Variants in DLG1 observed in about 807,000 individuals in gnomAD.
The protein encoded by DLG1 is discs large MAGUK scaffold protein 1, also known as disks large homolog 1.
A neutral mutation model predicts 123.4 loss-of-function variants in DLG1; 42 were observed. That is an observed-to-expected ratio of 0.34 (90% CI 0.27 to 0.44). The LOEUF (loss-of-function observed/expected upper bound fraction) is 0.44. Ranked by LOEUF, DLG1 falls within the 20% of genes least tolerant of loss-of-function variation. The pLI, the probability that DLG1 is intolerant of heterozygous loss-of-function variation, is 1.00. For missense variants in DLG1, 942 were observed against 1,082.6 expected, an observed-to-expected ratio of 0.87 and a Z score of 1.82; for synonymous variants, 317 against 356.2, an observed-to-expected ratio of 0.89 and a Z score of 1.24.
At chr3:197,121,508 T>C (rs907981513) in intron 11 of DLG1, among the ~76,000 whole-genome samples, 7 of 152,060 alleles carry the variant, frequency 4.6e-5, no homozygotes, top group Non-Finnish European at 8.8e-5. Flanking sequence ...AGAAAATATA[T>C]ACTGTAAAAA....
chr3:197,194,568 C>T lies in DLG1; in HGVS notation c.340G>A (p.Asp114Asn). 15 of 1,597,362 alleles carry T rather than the reference C, an allele frequency of 9.4e-6. No homozygotes were observed. Among genetic ancestry groups the T allele is most frequent in the Non-Finnish European group, 1.2e-5 (14 of 1,174,018 alleles). Residue 114 changes from aspartate to asparagine, a missense_variant, in exon 5 of 25, where the codon GAT (aspartate) becomes AAT (asparagine). Transcript: ENST00000667157. ...SVEKYRYQDE[D>N]TPPQEHISPQ... ...GAAATATGCTCTTGAGGAGGTGTAT[C>T]TTCATCCTGATACCTGTATTTCTGT...
chr3:197,141,880 T>C (rs1411022984), intron 7 of DLG1, among the ~76,000 whole-genome samples: 2 of 152,202 alleles, frequency 1.3e-5, no homozygotes, highest in Non-Finnish European at 2.9e-5. Context: ...CTAATTTTTG[T>C]ATTTTTAGTA....
chr3:197,167,776 A>T (rs1457118188), intron 5 of DLG1, among the ~76,000 whole-genome samples: 1 of 152,176 alleles, frequency 6.6e-6, no homozygotes, highest in Non-Finnish European at 1.5e-5. Flanking sequence ...TACATCTATG[A>T]AGCCACTGCC....
intron 4 of DLG1, among the ~76,000 whole-genome samples, chr3:197,260,750 CAAAAAAAAAAA>C (rs570596943): frequency 1.5e-3 from 27 of 18,318 alleles, no homozygotes; most frequent in Admixed American, 4.2e-3. Flanking sequence ...TGACAACCAC[CAAAAAAAAAAA>C]AAAAAAAAAA....
At chr3:197,104,674 C>A (rs764667372) in intron 14 of DLG1, among the ~76,000 whole-genome samples, 1 of 151,788 alleles carries the variant, frequency 6.6e-6, no homozygotes, top group Non-Finnish European at 1.5e-5. Context: ...AAGAGTGGAA[C>A]CCCGTCTCAA....
At chr3:197,164,256 G>A (rs962182203) in intron 5 of DLG1, among the ~76,000 whole-genome samples, 3 of 151,830 alleles carry the variant, frequency 2.0e-5, no homozygotes, top group African/African-American at 4.8e-5. Flanking sequence ...AATTAGCCGG[G>A]TGTGGTGGCC....
chr3:197,102,361 A>G (rs1763948652), intron 14 of DLG1, among the ~76,000 whole-genome samples: 1 of 152,202 alleles, frequency 6.6e-6, no homozygotes, highest in Non-Finnish European at 1.5e-5. Flanking sequence ...TTGTATGTAT[A>G]TATATAAGAT....
At chr3:197,230,134 T>TA (rs1474923090) in intron 4 of DLG1, among the ~76,000 whole-genome samples, 1 of 152,178 alleles carries the variant, frequency 6.6e-6, no homozygotes, top group Non-Finnish European at 1.5e-5. Context: ...TTTCAATTAC[T>TA]AATCTGTTTA....
At chr3:197,198,205 AG>A (rs1178534032) in intron 4 of DLG1, among the ~76,000 whole-genome samples, 1 of 152,186 alleles carries the variant, frequency 6.6e-6, no homozygotes, top group Non-Finnish European at 1.5e-5. Flanking sequence ...GATGACCCAA[AG>A]GGGCCAGGTG....
intron 24 of DLG1, among the ~76,000 whole-genome samples, chr3:197,049,162 C>T (rs1030602748): frequency 3.3e-5 from 5 of 151,480 alleles, no homozygotes; most frequent in African/African-American, 1.2e-4. Flanking sequence ...ACTAAAAATA[C>T]AAAAATTAGC....
In DLG1 at chr3:197,140,141, G is replaced by T; in HGVS notation, c.712C>A (p.Arg238=). 1 of 1,611,810 alleles carries T rather than the reference G, an allele frequency of 6.2e-7. No individual in the cohort carries two copies. The highest frequency in any genetic ancestry group is 8.5e-7 in the Non-Finnish European group (1 of 1,178,900). ...CACAATAAAAAGCGCAAAACATACC[G>T]CAATCTTCCATCTTGGGCGGCTGCT... The part of the protein sequence containing the change: ...GGAAAQDGRL[R]VNDCILRVNE... The change falls in exon 8 of 25, where the codon CGG becomes AGG. Residue 238 remains arginine, a splice_region_variant and synonymous_variant. Transcript: ENST00000667157.
intron 18 of DLG1, among the ~76,000 whole-genome samples, chr3:197,074,307 T>C (rs1745883140): frequency 1.3e-5 from 2 of 152,114 alleles, no homozygotes; most frequent in South Asian, 4.1e-4. Flanking sequence ...GAAAATAAAA[T>C]CTTTTTCTGA....
intron 11 of DLG1, among the ~76,000 whole-genome samples, chr3:197,120,204 T>C (rs1775535936): frequency 6.8e-6 from 1 of 147,634 alleles, no homozygotes. Context: ...GAGGTTGCAG[T>C]GAGCCGAGAT....
rs182762866 is a variant in DLG1, at chr3:197,216,782, C to T, written c.319-22193G>A. ...TTTCCAGACACTAGTCAACAGCCAACCTTACAAGCTGGCCTTTTCAAAGAG... is the reference window on the plus strand; with the variant it reads ...TTTCCAGACACTAGTCAACAGCCAATCTTACAAGCTGGCCTTTTCAAAGAG... On this transcript the variant is annotated intron_variant, in intron 4 of 24. Coordinates refer to ENST00000667157, the MANE Select transcript of DLG1 (RefSeq NM_001366207.1). 4.6e-5 allele frequency among the ~76,000 whole-genome samples: 7 copies of T among 152,324 alleles called. No homozygotes were observed. In the East Asian group the frequency reaches 1.4e-3, roughly 29 times the overall value.
intron 4 of DLG1, among the ~76,000 whole-genome samples, chr3:197,211,289 C>G (rs1278321558): frequency 1.4e-5 from 2 of 146,362 alleles, no homozygotes; most frequent in Non-Finnish European, 3.1e-5. Flanking sequence ...CCAACTCATT[C>G]TATGAGGCCA....
chr3:197,150,710 T>C (rs1318531457), intron 5 of DLG1, among the ~76,000 whole-genome samples: 1 of 152,122 alleles, frequency 6.6e-6, no homozygotes, highest in Non-Finnish European at 1.5e-5. Context: ...AAAGTAACAC[T>C]GTAACACAAA....
chr3:197,080,994 T>A (rs750832449), intron 17 of DLG1, 57 bp downstream of exon 17: 2 of 1,504,546 alleles, frequency 1.3e-6, no homozygotes, highest in Non-Finnish European at 1.8e-6. Flanking sequence ...ATCCTTTTCA[T>A]TTTAACAATG....
intron 4 of DLG1, among the ~76,000 whole-genome samples, chr3:197,194,847 A>C (rs1721564142): frequency 6.6e-6 from 1 of 152,190 alleles, no homozygotes; most frequent in Non-Finnish European, 1.5e-5. Flanking sequence ...TTTCTTACCC[A>C]ATGTTAACTG....
At chr3:197,111,630 C>A (rs939732758) in intron 13 of DLG1, among the ~76,000 whole-genome samples, 6 of 152,122 alleles carry the variant, frequency 3.9e-5, no homozygotes, top group African/African-American at 1.4e-4. Flanking sequence ...AATCATGAAA[C>A]CACTACCCCA....
Sources: gnomAD v4.1 joint callset for allele counts (sites outside exome capture counted in the v4.1 genomes callset) on GRCh38, gnomAD v4.1.1 for gene constraint, MANE v1.5 for transcripts, NCBI Gene and HGNC (gene_info 2026-07-23, HGNC 2026-07-21) for gene names.